RTF1: variants seen among roughly 807,000 people sequenced by gnomAD.
RTF1 encodes the protein RTF1 homolog, Paf1/RNA polymerase II complex component, also known as RNA polymerase-associated protein RTF1 homolog.
Under a neutral mutation model 95.7 loss-of-function variants are expected in RTF1, and 10 were observed. That is an observed-to-expected ratio of 0.10 (90% CI 0.06 to 0.18). The LOEUF is 0.18. Ranked by LOEUF, RTF1 falls within the 10% of genes least tolerant of loss-of-function variation. The probability of loss-of-function intolerance (pLI) is 1.00; values close to 1 mark genes in which losing one functional copy is unlikely to be tolerated. For missense variants in RTF1, 458 were observed against 875.6 expected, an observed-to-expected ratio of 0.52 and a Z score of 6.02; for synonymous variants, 305 against 311.8, an observed-to-expected ratio of 0.98 and a Z score of 0.23.
chr15:41,470,459 G>C lies in RTF1; in HGVS notation c.1025+67G>C, dbSNP rs892185931. On this transcript the variant is annotated intron_variant, in intron 7 of 17. Transcript: ENST00000389629. ...GGTTTTTGAGGAAGAGCTTGGTATC[G>C]TTTCCAAAATCTCCCTGGTTGGGCC... The C allele has an allele frequency of 3.2e-6, 5 of 1,550,892 alleles. No homozygotes were observed. The South Asian group carries it at 3.4e-5, about 11-fold the overall frequency.
intron 1 of RTF1, among the ~76,000 whole-genome samples, chr15:41,419,522 T>TA (rs1359210025): frequency 6.6e-6 from 1 of 152,188 alleles, no homozygotes; most frequent in Non-Finnish European, 1.5e-5. Context: ...TGCAAAATGA[T>TA]AATGTTTCAC....
At chr15:41,455,185 C>A (rs77621604) in intron 3 of RTF1, among the ~76,000 whole-genome samples, 8,163 of 151,578 alleles carry the variant, frequency 0.054, 488 homozygotes, top group African/African-American at 0.15. Flanking sequence ...ATGGTGGTGC[C>A]TACCTGTAAT....
chr15:41,437,420 C>T (rs1358659982), intron 1 of RTF1, among the ~76,000 whole-genome samples: 5 of 151,644 alleles, frequency 3.3e-5, no homozygotes, highest in Admixed American at 6.6e-5. Context: ...GGTGTGAACC[C>T]GGGAGGCAGA....
chr15:41,450,686 G>T (rs1266209156), intron 2 of RTF1, among the ~76,000 whole-genome samples: 1 of 148,010 alleles, frequency 6.8e-6, no homozygotes, highest in East Asian at 2.1e-4. Flanking sequence ...AAGGTGGCTT[G>T]TGCCTGTAAT....
chr15:41,424,772 A>C (rs2050620124), intron 1 of RTF1, among the ~76,000 whole-genome samples: 1 of 152,132 alleles, frequency 6.6e-6, no homozygotes, highest in Admixed American at 6.5e-5. Flanking sequence ...GCACTTTGGG[A>C]GGCCGAGGTG....
chr15:41,472,555 G>A (rs1396478091), intron 8 of RTF1, among the ~76,000 whole-genome samples: 3 of 151,446 alleles, frequency 2.0e-5, no homozygotes, highest in Non-Finnish European at 2.9e-5. Flanking sequence ...GTCTTACCCC[G>A]TTGCCCAGGC....
intron 8 of RTF1, among the ~76,000 whole-genome samples, chr15:41,473,428 G>A (rs1233981865): frequency 2.6e-5 from 4 of 151,266 alleles, no homozygotes; most frequent in African/African-American, 7.3e-5. Context: ...CACCACGCCC[G>A]GCCCAGGTGT....
At chr15:41,436,292 A>AC (rs1283169617) in intron 1 of RTF1, among the ~76,000 whole-genome samples, 1 of 150,318 alleles carries the variant, frequency 6.7e-6, no homozygotes, top group Non-Finnish European at 1.5e-5. Context: ...TCTACTAAAA[A>AC]AAAAAAAAAA....
At chr15:41,425,413 G>A (rs1198477186) in intron 1 of RTF1, among the ~76,000 whole-genome samples, 2 of 151,996 alleles carry the variant, frequency 1.3e-5, no homozygotes, top group African/African-American at 4.8e-5. Context: ...GCCAATTTTT[G>A]TATTTTTAGT....
intron 2 of RTF1, among the ~76,000 whole-genome samples, chr15:41,452,076 C>G (rs183470813): frequency 9.2e-5 from 14 of 152,124 alleles, no homozygotes; most frequent in African/African-American, 3.4e-4. Flanking sequence ...GTTTATTATG[C>G]AACTTTTCTC....
intron 14 of RTF1, 93 bp downstream of exon 14, chr15:41,477,608 T>C (rs993607677): frequency 4.3e-6 from 5 of 1,160,038 alleles, no homozygotes; most frequent in Non-Finnish European, 6.4e-6. Context: ...TTTTAATTAT[T>C]GAAATAACGT....
At chr15:41,434,714 G>A (rs2050693065) in intron 1 of RTF1, among the ~76,000 whole-genome samples, 1 of 150,876 alleles carries the variant, frequency 6.6e-6, no homozygotes, top group South Asian at 2.1e-4. Flanking sequence ...TGCAACCTCT[G>A]CCTGCCAGGT....
chr15:41,436,146 A>C (rs1175615728), intron 1 of RTF1, among the ~76,000 whole-genome samples: 1 of 151,972 alleles, frequency 6.6e-6, no homozygotes. Flanking sequence ...ATTTCTACTA[A>C]AAGTACAAAA....
chr15:41,439,258 TCTC>T (rs1453196956), intron 2 of RTF1, among the ~76,000 whole-genome samples: 2 of 151,890 alleles, frequency 1.3e-5, no homozygotes, highest in Non-Finnish European at 2.9e-5. Context: ...GTGGTCTCAA[TCTC>T]CTGACCTCGT....
chr15:41,439,045 T>C (rs1025463567), intron 2 of RTF1, among the ~76,000 whole-genome samples: 1 of 150,896 alleles, frequency 6.6e-6, no homozygotes. Flanking sequence ...TCTTTTTTTT[T>C]TTTTCAAGAC....
chr15:41,470,536 G>C, intron 7 of RTF1, 144 bp downstream of exon 7: 1 of 817,344 alleles, frequency 1.2e-6, no homozygotes, highest in South Asian at 1.6e-5. Context: ...TCCCCAGCAC[G>C]TCAGCCCATT....
chr15:41,424,793 A>G (rs143399207), intron 1 of RTF1, among the ~76,000 whole-genome samples: 33 of 152,182 alleles, frequency 2.2e-4, no homozygotes, highest in African/African-American at 7.2e-4. Flanking sequence ...GGTGGATCAT[A>G]TGAGGCCAGG....
At chr15:41,461,203 C>T (rs897761619) in intron 4 of RTF1, among the ~76,000 whole-genome samples, 2 of 152,028 alleles carry the variant, frequency 1.3e-5, no homozygotes, top group Admixed American at 1.3e-4. Flanking sequence ...CCACCACGCC[C>T]AGCTAATTTT....
chr15:41,457,519 C>T (rs2050825314), intron 3 of RTF1, among the ~76,000 whole-genome samples, 153 bp from the exon 4 acceptor site: 2 of 152,024 alleles, frequency 1.3e-5, no homozygotes, highest in Non-Finnish European at 2.9e-5. Context: ...GAGCAAAACT[C>T]CATCTCAAAA....
Sources: gnomAD v4.1 joint callset for allele counts (sites outside exome capture counted in the v4.1 genomes callset) on GRCh38, gnomAD v4.1.1 for gene constraint, MANE v1.5 for transcripts, NCBI Gene and HGNC (gene_info 2026-07-23, HGNC 2026-07-21) for gene names.